The following KCNMA1 variants were observed in gnomAD, a reference collection of about 807,000 sequenced individuals.
KCNMA1 encodes the protein potassium calcium-activated channel subfamily M alpha 1, also known as Calcium-activated potassium channel subunit alpha-1.
A neutral mutation model predicts 140.0 loss-of-function variants in KCNMA1; 29 were observed. The observed-to-expected ratio is 0.21, with a 90% confidence interval of 0.15 to 0.28. The LOEUF (loss-of-function observed/expected upper bound fraction) is 0.28, where lower values mean the gene tolerates loss of function less well. KCNMA1 is among the 10% of genes least tolerant of loss of function. The pLI is 1.00. For missense variants in KCNMA1, 880 were observed against 1,602.2 expected (o/e 0.55, Z 7.70); for synonymous variants, 612 against 611.9 (o/e 1.00, Z 0.00).
At chr10:77,396,749 A>G (rs969367933) in intron 2 of KCNMA1, among the ~76,000 whole-genome samples, 5 of 152,228 alleles carry the variant, frequency 3.3e-5, no homozygotes, top group African/African-American at 1.2e-4. Flanking sequence ...TTACATCGAT[A>G]AATCATCCCT....
chr10:77,335,427 T>TA (rs2088542435), intron 2 of KCNMA1, among the ~76,000 whole-genome samples: 1 of 152,198 alleles, frequency 6.6e-6, no homozygotes, highest in Non-Finnish European at 1.5e-5. Context: ...CCTGGGGACT[T>TA]AGAGTTGTTC....
chr10:77,311,777 G>C (rs1327949333), intron 2 of KCNMA1, among the ~76,000 whole-genome samples: 1 of 152,180 alleles, frequency 6.6e-6, no homozygotes, highest in Non-Finnish European at 1.5e-5. Context: ...ATTCCGCAAG[G>C]CTGGAGTGGA....
At chr10:77,273,585 C>G (rs150811656) in intron 2 of KCNMA1, among the ~76,000 whole-genome samples, 1 of 152,060 alleles carries the variant, frequency 6.6e-6, no homozygotes, top group African/African-American at 2.4e-5. Context: ...CAAATTGAAA[C>G]AATAGAAAAC....
At chr10:77,619,329 TCTCTCTCTCTCTC>T (rs1367676885) in intron 1 of KCNMA1, among the ~76,000 whole-genome samples, 1 of 151,806 alleles carries the variant, frequency 6.6e-6, no homozygotes, top group Admixed American at 6.6e-5. Flanking sequence ...TCTCTCTCTC[TCTCTCTCTCTCTC>T]TCTCGTATGC....
intron 1 of KCNMA1, among the ~76,000 whole-genome samples, chr10:77,573,588 T>C (rs985893086): frequency 6.6e-6 from 1 of 151,214 alleles, no homozygotes; most frequent in African/African-American, 2.4e-5. Flanking sequence ...TAACAGGTTA[T>C]AAGCAATTAT....
At chr10:77,186,546 G>GA (rs2098855694) in intron 3 of KCNMA1, among the ~76,000 whole-genome samples, 1 of 151,980 alleles carries the variant, frequency 6.6e-6, no homozygotes, top group Non-Finnish European at 1.5e-5. Flanking sequence ...TAATTTCGAT[G>GA]AAAAAAGGAA....
chr10:77,298,860 A>G (rs2075884732), intron 2 of KCNMA1, among the ~76,000 whole-genome samples: 1 of 152,230 alleles, frequency 6.6e-6, no homozygotes, highest in Admixed American at 6.5e-5. Context: ...GACAGTCTGT[A>G]AGAGATCATC....
At chr10:77,555,075 C>G (rs1343596374) in intron 1 of KCNMA1, among the ~76,000 whole-genome samples, 2 of 151,918 alleles carry the variant, frequency 1.3e-5, no homozygotes, top group East Asian at 3.9e-4. Flanking sequence ...CGCACGCACA[C>G]CACAGGAAAA....
chr10:76,874,201 G>A (rs1210935470), downstream of KCNMA1: 1 of 152,190 alleles, frequency 6.6e-6, no homozygotes, highest in Non-Finnish European at 1.5e-5. Flanking sequence ...AGAATCTAAA[G>A]TGAAAAGACC....
intron 3 of KCNMA1, among the ~76,000 whole-genome samples, chr10:77,222,386 A>G (rs1030528698): frequency 1.3e-5 from 2 of 152,202 alleles, no homozygotes; most frequent in Admixed American, 1.3e-4. Context: ...GTCTCTACCT[A>G]CTACTCCCAA....
chr10:76,884,989 C>A lies in KCNMA1; in HGVS notation c.*2277G>T. The A allele has an allele frequency of 6.5e-7, 1 of 1,548,048 alleles. No homozygotes were observed. On this transcript the variant is annotated 3_prime_UTR_variant, in exon 28 of 28. Coordinates refer to ENST00000286628, the MANE Select transcript of KCNMA1 (RefSeq NM_001161352.2). ...CATGCAGAACCATTAATTGTCATAC[C>A]TTGGCCCATTCTATTCATCCTTGTT...
chr10:77,020,345 G>A (rs1369898288), intron 16 of KCNMA1: 1 of 152,136 alleles, frequency 6.6e-6, no homozygotes, highest in Non-Finnish European at 1.5e-5. Flanking sequence ...CACCTGGTTG[G>A]GAGACCTCCG....
Position 77,146,267 on chromosome 10 carries a change from G to A in KCNMA1, c.809-25219C>T, listed in dbSNP as rs548937826. The stretch of plus-strand genomic sequence containing the variant: ...ATTGATGCCTAAAATTCCCCCATAA[G>A]ACAGCAGCATTACCCAGTAAGAAAA... On this transcript the variant is annotated intron_variant, in intron 5 of 27. Transcript: ENST00000286628. Among the ~76,000 whole-genome samples, 3 of 152,258 alleles carry A rather than the reference G, an allele frequency of 2.0e-5. No homozygotes were observed. In the South Asian group the frequency reaches 6.2e-4, roughly 32 times the overall value.
chr10:77,306,576 C>T (rs975825568), intron 2 of KCNMA1, among the ~76,000 whole-genome samples: 1 of 152,160 alleles, frequency 6.6e-6, no homozygotes, highest in Non-Finnish European at 1.5e-5. Context: ...AGGTTTTCTT[C>T]CAAGTGCAAT....
intron 2 of KCNMA1, among the ~76,000 whole-genome samples, chr10:77,382,984 GTGTGTGTGTGTATATATATATATATA>G (rs758270679): frequency 1.1e-5 from 1 of 89,588 alleles, no homozygotes; most frequent in South Asian, 3.7e-4. Flanking sequence ...GTGTGTGTGT[GTGTGTGTGTGTATATATATATATATA>G]TATATATATA....
chr10:77,286,399 A>C (rs565632488), intron 2 of KCNMA1, among the ~76,000 whole-genome samples: 109 of 152,342 alleles, frequency 7.2e-4, no homozygotes, highest in Middle Eastern at 3.4e-3. Context: ...AGAATGTAAA[A>C]GAAAACATAA....
At chr10:77,343,886 T>C (rs1018804780) in intron 2 of KCNMA1, among the ~76,000 whole-genome samples, 7 of 152,160 alleles carry the variant, frequency 4.6e-5, no homozygotes. Flanking sequence ...AACCAGTCAT[T>C]GAGGCTATTG....
intron 23 of KCNMA1, among the ~76,000 whole-genome samples, chr10:76,933,913 G>A (rs2059875665): frequency 6.6e-6 from 1 of 151,972 alleles, no homozygotes; most frequent in African/African-American, 2.4e-5. Context: ...TAAATCAGTT[G>A]GCTTCTTTGC....
intron 3 of KCNMA1, among the ~76,000 whole-genome samples, chr10:77,229,700 C>G (rs1016179526): frequency 4.6e-5 from 7 of 152,160 alleles, no homozygotes; most frequent in African/African-American, 1.4e-4. Context: ...GAAGCTGCCG[C>G]TGTAGGTGGA....
Sources: gnomAD v4.1 joint callset for allele counts (sites outside exome capture counted in the v4.1 genomes callset) on GRCh38, gnomAD v4.1.1 for gene constraint, MANE v1.5 for transcripts, NCBI Gene and HGNC (gene_info 2026-07-23, HGNC 2026-07-21) for gene names.